The following SNTG1 variants were observed in gnomAD, a reference collection of about 807,000 sequenced individuals.
The protein encoded by SNTG1 is gamma-1-syntrophin.
Under a neutral mutation model 74.7 loss-of-function variants are expected in SNTG1, and 39 were observed. That is an observed-to-expected ratio of 0.52 (90% CI 0.40 to 0.68). The LOEUF (loss-of-function observed/expected upper bound fraction) is 0.68, where lower values mean the gene tolerates loss of function less well. Among genes scored for constraint, SNTG1 ranks in the 30% least tolerant of loss-of-function variants. SNTG1 has a pLI of 0.00. For missense variants in SNTG1, 685 were observed against 609.5 expected, an observed-to-expected ratio of 1.12 and a Z score of -1.30; for synonymous variants, 254 against 217.1, an observed-to-expected ratio of 1.17 and a Z score of -1.49.
chr8:49,974,076 G>A (rs895494525), intron 1 of SNTG1, among the ~76,000 whole-genome samples: 1 of 152,158 alleles, frequency 6.6e-6, no homozygotes, highest in Admixed American at 6.5e-5. Flanking sequence ...ATACTAGGAA[G>A]TATGCTGTTT....
intron 15 of SNTG1, among the ~76,000 whole-genome samples, chr8:50,671,397 A>G (rs1203847103): frequency 6.6e-6 from 1 of 151,638 alleles, no homozygotes; most frequent in African/African-American, 2.4e-5. Context: ...ATGAACAGAC[A>G]CTTCTCAAAA....
chr8:50,704,543 CA>C, intron 15 of SNTG1, 56 bp from the exon 16 acceptor site: 2 of 1,611,202 alleles, frequency 1.2e-6, no homozygotes, highest in Non-Finnish European at 1.7e-6. Flanking sequence ...CAGGAATGGC[CA>C]GGTTAGCAAT....
intron 1 of SNTG1, among the ~76,000 whole-genome samples, chr8:50,024,815 C>T (rs952597768): frequency 5.9e-4 from 90 of 152,060 alleles, no homozygotes; most frequent in African/African-American, 2.1e-3. Flanking sequence ...AAGATGGCTA[C>T]TAAGGGATTA....
intron 8 of SNTG1, among the ~76,000 whole-genome samples, chr8:50,475,279 A>C (rs1409464089): frequency 1.3e-5 from 2 of 151,990 alleles, no homozygotes; most frequent in African/African-American, 4.8e-5. Context: ...AAAAGAAAAA[A>C]AATGGTTAAG....
intron 9 of SNTG1, among the ~76,000 whole-genome samples, chr8:50,511,463 A>G (rs988539298): frequency 2.0e-5 from 3 of 152,038 alleles, no homozygotes; most frequent in East Asian, 3.9e-4. Flanking sequence ...CAATTCCTGG[A>G]TATCCTTGTT....
intron 1 of SNTG1, among the ~76,000 whole-genome samples, chr8:50,119,632 GATA>G (rs2080931204): frequency 1.4e-5 from 2 of 141,706 alleles, no homozygotes; most frequent in Non-Finnish European, 3.1e-5. Context: ...AATTAGATGA[GATA>G]ATAGGTAAAC....
chr8:49,933,668 T>A (rs1351345926), intron 1 of SNTG1, among the ~76,000 whole-genome samples: 3 of 152,194 alleles, frequency 2.0e-5, no homozygotes, highest in Non-Finnish European at 2.9e-5. Context: ...AAATGTAAGT[T>A]TTTGTTTTTT....
chr8:50,783,849 C>T (rs2095667268), intron 18 of SNTG1, among the ~76,000 whole-genome samples: 1 of 152,210 alleles, frequency 6.6e-6, no homozygotes, highest in East Asian at 1.9e-4. Context: ...GGCTCCAGAA[C>T]TTCAGTTTGA....
At chr8:50,676,574 A>T (rs1021093246) in intron 15 of SNTG1, among the ~76,000 whole-genome samples, 2 of 151,870 alleles carry the variant, frequency 1.3e-5, no homozygotes, top group Non-Finnish European at 2.9e-5. Flanking sequence ...GTGTTAAAAC[A>T]TGCTCCTTTA....
intron 1 of SNTG1, among the ~76,000 whole-genome samples, chr8:50,088,310 C>G (rs1473839611): frequency 2.1e-5 from 3 of 145,156 alleles, no homozygotes; most frequent in Admixed American, 7.1e-5. Context: ...ACTGAATGGG[C>G]AAAAACTGGA....
chr8:50,214,190 T>C (rs1456969832), intron 2 of SNTG1, among the ~76,000 whole-genome samples: 3 of 136,280 alleles, frequency 2.2e-5, no homozygotes, highest in Admixed American at 8.5e-5. Context: ...TTCTCACTCA[T>C]AGGTGGGAAT....
At chr8:50,713,773 A>C (rs2095468312) in intron 17 of SNTG1, among the ~76,000 whole-genome samples, 1 of 152,142 alleles carries the variant, frequency 6.6e-6, no homozygotes, top group Non-Finnish European at 1.5e-5. Flanking sequence ...TAAATAGGGA[A>C]TCCTGGCTGG....
At chr8:50,163,030 C>G (rs1375750784) in intron 1 of SNTG1, among the ~76,000 whole-genome samples, 1 of 152,186 alleles carries the variant, frequency 6.6e-6, no homozygotes, top group Non-Finnish European at 1.5e-5. Flanking sequence ...ATTCATGGTT[C>G]CAGTCTTTTC....
Position 50,553,059 on chromosome 8 carries a change from C to A in SNTG1, c.690C>A (p.Ala230=). The A allele has an allele frequency of 6.2e-7, 1 of 1,613,792 alleles. No homozygotes were observed. Among genetic ancestry groups the A allele is most frequent in the Non-Finnish European group, 8.5e-7 (1 of 1,179,790 alleles). The change falls in exon 12 of 19, where the codon GCC becomes GCA. Residue 230 remains alanine (A), a synonymous_variant. Transcript: ENST00000642720. The part of the protein sequence containing the change: ...VPGTDLSRQN[A]FQVIAVDGVC... ...TTCTGAACATCTGCAGGCAGAATGC[C>A]TTTCAAGTCATTGCTGTGGATGGGG...
intron 18 of SNTG1, chr8:50,762,319 A>C (rs2131743335): frequency 6.0e-6 from 1 of 166,584 alleles, no homozygotes; most frequent in African/African-American, 2.4e-5. Flanking sequence ...AAAACTGAAC[A>C]TATTCATTTA....
chr8:50,559,224 T>G (rs1279761066), intron 12 of SNTG1, among the ~76,000 whole-genome samples: 1 of 152,202 alleles, frequency 6.6e-6, no homozygotes, highest in Non-Finnish European at 1.5e-5. Flanking sequence ...GGGAATAATT[T>G]CTTGTAGTGT....
intron 2 of SNTG1, among the ~76,000 whole-genome samples, chr8:50,248,905 C>T (rs1010802636): frequency 6.6e-6 from 1 of 152,028 alleles, no homozygotes; most frequent in Admixed American, 6.6e-5. Flanking sequence ...AAATATCCTG[C>T]CTCAGCTTAC....
intron 5 of SNTG1, among the ~76,000 whole-genome samples, chr8:50,439,709 T>G (rs2093340125): frequency 6.6e-6 from 1 of 150,772 alleles, no homozygotes; most frequent in African/African-American, 2.4e-5. Flanking sequence ...GATTTTTTTT[T>G]GTTTTGCTTT....
chr8:50,085,990 T>A (rs1044774814), intron 1 of SNTG1, among the ~76,000 whole-genome samples: 1 of 152,138 alleles, frequency 6.6e-6, no homozygotes, highest in Non-Finnish European at 1.5e-5. Context: ...CTTTTTTGTC[T>A]TATGATGAGT....
Sources: gnomAD v4.1 joint callset for allele counts (sites outside exome capture counted in the v4.1 genomes callset) on GRCh38, gnomAD v4.1.1 for gene constraint, MANE v1.5 for transcripts, NCBI Gene and HGNC (gene_info 2026-07-23, HGNC 2026-07-21) for gene names.